The following GGT1 variants were observed in gnomAD, a reference collection of about 807,000 sequenced individuals.
GGT1 encodes glutathione hydrolase 1 proenzyme.
GGT1 carries 21 observed loss-of-function variants against 56.0 expected under a neutral mutation model. The ratio of observed to expected loss-of-function variants is 0.38; its 90% CI spans 0.27 to 0.54. The LOEUF is 0.54. Ranked by LOEUF, GGT1 falls within the 20% of genes least tolerant of loss-of-function variation. The pLI, the probability that GGT1 is intolerant of heterozygous loss-of-function variation, is 0.82. For synonymous variants in GGT1, 238 were observed against 342.6 expected (o/e 0.69, Z 3.37); for missense variants, 466 against 787.0 (o/e 0.59, Z 4.88).
chr22:24,589,721 G>A, the GGT1 span: 16 of 1,355,152 alleles, frequency 1.2e-5, 1 homozygote, highest in Middle Eastern at 5.0e-4. Context: ...CACACAGCAA[G>A]CCGCAGAAGG....
At chr22:24,592,946 C>A (rs2045617563), upstream of GGT1, 1 of 1,225,958 alleles carries the variant, frequency 8.2e-7, no homozygotes, top group African/African-American at 1.6e-5. Flanking sequence ...AGCCACCGCA[C>A]CCGGCGCTCG....
intron 11 of GGT1, chr22:24,624,672 C>T (rs567098248): frequency 1.2e-4 from 118 of 981,758 alleles, no homozygotes; most frequent in Admixed American, 2.5e-4. Flanking sequence ...TTCATCTACT[C>T]GCTGGCTCGG....
At chr22:24,587,471 CCT>C in the GGT1 span, among the ~76,000 whole-genome samples, 1 of 152,190 alleles carries the variant, frequency 6.6e-6, no homozygotes, top group Non-Finnish European at 1.5e-5. Flanking sequence ...CAGGGAACAA[CCT>C]TGTGGGGTCC....
chr22:24,588,240 G>C, the GGT1 span: 1 of 1,613,380 alleles, frequency 6.2e-7, no homozygotes, highest in Middle Eastern at 1.7e-4. Flanking sequence ...TCTGGCGCAG[G>C]CTGGACCCTT....
At position 24,621,436 on chromosome 22, in the gene GGT1, TAAGGCCCAGTAGAGGGCGC is replaced by T. The variant is rs558927041; in HGVS notation, c.733+367_733+385del. ...ATTCCTAGCAGAGGAACAGCTGGGC[TAAGGCCCAGTAGAGGGCGC>T]TTTGATTCACCAAGAGGGTTACAAG... On this transcript the variant is annotated intron_variant, in intron 9 of 15. Transcript: ENST00000400382. Among the ~76,000 whole-genome samples, 50 of 152,032 alleles carry T rather than the reference TAAGGCCCAGTAGAGGGCGC, an allele frequency of 3.3e-4. No homozygotes were observed. In the South Asian group the frequency reaches 1.0e-2, roughly 30 times the overall value.
chr22:24,624,359 T>G, intron 11 of GGT1: 1 of 985,464 alleles, frequency 1.0e-6, no homozygotes, highest in Non-Finnish European at 1.2e-6. Context: ...ACTCAGTAGT[T>G]GCCCCAGCTC....
intron 1 of GGT1, among the ~76,000 whole-genome samples, chr22:24,597,400 G>A (rs4820600): frequency 0.38 from 57,122 of 152,042 alleles, 10,899 homozygotes; most frequent in Middle Eastern, 0.52. Context: ...TTGGCCTGGC[G>A]TGGTGGCTCA....
the GGT1 span, among the ~76,000 whole-genome samples, chr22:24,585,248 G>C: frequency 6.6e-6 from 1 of 152,222 alleles, no homozygotes; most frequent in African/African-American, 2.4e-5. Flanking sequence ...GGTCTGTGCA[G>C]CCTTGTCCCC....
At chr22:24,598,427 G>A (rs983962475), upstream of GGT1, among the ~76,000 whole-genome samples, 14 of 127,494 alleles carry the variant, frequency 1.1e-4, no homozygotes, top group East Asian at 2.2e-4. Flanking sequence ...GCAACAGAGC[G>A]AGACTGAGAC....
chr22:24,600,527 C>T (rs2045765542), upstream of GGT1, among the ~76,000 whole-genome samples: 1 of 152,212 alleles, frequency 6.6e-6, no homozygotes, highest in Non-Finnish European at 1.5e-5. Context: ...ACGCACTTGG[C>T]CATGCTTCAG....
upstream of GGT1, among the ~76,000 whole-genome samples, chr22:24,598,771 G>A (rs552363715): frequency 1.3e-5 from 2 of 151,992 alleles, no homozygotes; most frequent in East Asian, 1.9e-4. Context: ...CAGGCTGGTC[G>A]TGAACTCCTG....
intron 1 of GGT1, among the ~76,000 whole-genome samples, chr22:24,605,447 A>G (rs2046111895): frequency 1.3e-5 from 1 of 78,350 alleles, no homozygotes. Context: ...ACAATATATA[A>G]TGTGTATTAT....
rs2047904763 is a variant in GGT1 at position 24,628,037 on chromosome 22, G to T, written c.1337-44G>T. 6.2e-7 allele frequency: 1 copy of T among 1,611,150 alleles called. No homozygotes were observed. The highest frequency in any genetic ancestry group is 1.3e-5 in the African/African-American group (1 of 74,766). ...GGGTGGAGAGGGGCGGGTGTCCTGG[G>T]CAGGCAGCTGACGGGCATCCCTGTC... On this transcript the variant is annotated intron_variant, in intron 13 of 15. Transcript: ENST00000400382. This position sits in a 1 kb window ranked among gnomAD's most constrained non-coding sequence, Gnocchi z 5.7.
Position 24,603,497 on chromosome 22 carries a change from T to C in GGT1, c.-459T>C, listed in dbSNP as rs900274630. The C allele has an allele frequency of 1.4e-4, 22 of 152,330 alleles. No homozygotes were observed. Among genetic ancestry groups the C allele is most frequent in the African/African-American group, 4.8e-4 (20 of 41,442 alleles). 9.4% of individuals were successfully genotyped at this position (152,330 alleles called of 1,614,324 possible). The stretch of plus-strand genomic sequence containing the variant: ...TTCGGGGTGAAGGGGGCAAGACTTG[T>C]GTGGGCGCATCCTGCAGAAGGATCC... On this transcript the variant is annotated 5_prime_UTR_variant, in exon 1 of 16. Transcript: ENST00000400382.
At chr22:24,613,606 C>T (rs147127879) in intron 5 of GGT1, among the ~76,000 whole-genome samples, 1 of 151,502 alleles carries the variant, frequency 6.6e-6, no homozygotes, top group African/African-American at 2.4e-5. Context: ...AAAAGTTAGC[C>T]GGGCATGGTG....
intron 5 of GGT1, 41 bp from the exon 6 acceptor site, chr22:24,614,735 G>A (rs756389245): frequency 6.2e-6 from 10 of 1,608,508 alleles, no homozygotes; most frequent in African/African-American, 4.0e-5. Flanking sequence ...GGCCAGGGTG[G>A]AAGCCTGCAG....
chr22:24,618,137 A>G (rs1187601395), intron 7 of GGT1, among the ~76,000 whole-genome samples: 1 of 152,160 alleles, frequency 6.6e-6, no homozygotes, highest in Admixed American at 6.5e-5. Context: ...TTACATGCAT[A>G]GAGTGTATAA....
At chr22:24,592,133 T>A, upstream of GGT1, 1 of 371,626 alleles carries the variant, frequency 2.7e-6, no homozygotes, top group Non-Finnish European at 5.4e-6. Context: ...GGGGACGGGG[T>A]GGTGAGGGAA....
intron 1 of GGT1, among the ~76,000 whole-genome samples, chr22:24,606,563 G>T (rs182364403): frequency 6.6e-6 from 1 of 152,292 alleles, no homozygotes; most frequent in Non-Finnish European, 1.5e-5. Context: ...CAGGTCATGG[G>T]ACCTTGGTTC....
Sources: allele counts gnomAD v4.1 joint callset (sites outside exome capture counted in the v4.1 genomes callset), GRCh38; gene constraint gnomAD v4.1.1; non-coding constraint Gnocchi (gnomAD v3.1); transcripts MANE v1.5; gene names NCBI Gene and HGNC (gene_info 2026-07-23, HGNC 2026-07-21).